FRMD4B: variants seen among roughly 807,000 people sequenced by gnomAD.
The protein encoded by FRMD4B is FERM domain-containing protein 4B.
A neutral mutation model predicts 141.5 loss-of-function variants in FRMD4B; 74 were observed. That is an observed-to-expected ratio of 0.52 (90% confidence interval 0.43 to 0.63). The LOEUF (loss-of-function observed/expected upper bound fraction) is 0.63, where lower values mean the gene tolerates loss of function less well. Ranked by LOEUF, FRMD4B falls within the 30% of genes least tolerant of loss-of-function variation. FRMD4B has a pLI of 0.00. For synonymous variants in FRMD4B, 506 were observed against 467.9 expected (o/e 1.08, Z -1.05); for missense variants, 1,366 against 1,253.4 (o/e 1.09, Z -1.36).
At chr3:69,180,853 G>A (rs750160825) in intron 21 of FRMD4B, 46 bp downstream of exon 21, 24 of 1,355,214 alleles carry the variant, frequency 1.8e-5, no homozygotes, top group East Asian at 1.4e-4. Flanking sequence ...CAGGAAACAC[G>A]ATGTAAATAA....
intron 1 of FRMD4B, among the ~76,000 whole-genome samples, chr3:69,439,638 T>C (rs561393551): frequency 4.6e-5 from 7 of 152,330 alleles, no homozygotes; most frequent in African/African-American, 1.7e-4. Flanking sequence ...CTTTGTGTGG[T>C]AGAATCTGTG....
intron 1 of FRMD4B, among the ~76,000 whole-genome samples, chr3:69,483,974 T>C (rs1429482211): frequency 6.6e-6 from 1 of 152,224 alleles, no homozygotes; most frequent in Non-Finnish European, 1.5e-5. Context: ...ACATCTTAGC[T>C]TGCTTTCCCC....
chr3:69,174,999 G>A (rs967142521), intron 22 of FRMD4B, among the ~76,000 whole-genome samples: 1 of 152,056 alleles, frequency 6.6e-6, no homozygotes, highest in African/African-American at 2.4e-5. Flanking sequence ...TCTATTTTGA[G>A]TATAGCCTTT....
chr3:69,272,937 T>C (rs1337447780), intron 5 of FRMD4B, among the ~76,000 whole-genome samples: 1 of 152,202 alleles, frequency 6.6e-6, no homozygotes, highest in Admixed American at 6.5e-5. Flanking sequence ...TATGAAAATA[T>C]CTTTCTAAGT....
intron 7 of FRMD4B, among the ~76,000 whole-genome samples, chr3:69,245,843 T>TTTTG (rs1224219256): frequency 6.9e-6 from 1 of 144,212 alleles, no homozygotes; most frequent in African/African-American, 2.6e-5. Context: ...TGTTTTTTTT[T>TTTTG]TTTTTTTTTT....
rs1420739532 is a variant in FRMD4B at position 69,287,826 on chromosome 3, C to T, written c.427G>A (p.Glu143Lys). The T allele has an allele frequency of 2.6e-6, 4 of 1,554,570 alleles. No homozygotes were observed. The highest frequency in any genetic ancestry group is 3.5e-6 in the Non-Finnish European group (4 of 1,133,202). ...ILHFAVRFYIESISFLKDKTT... is the reference protein window; with the variant it reads ...ILHFAVRFYIKSISFLKDKTT... ...TTATCCTTTAAAAACGATATGCTCTCAATGTAAAACCTGAAAAACAGCAGA... is the reference window on the plus strand; with the variant it reads ...TTATCCTTTAAAAACGATATGCTCTTAATGTAAAACCTGAAAAACAGCAGA... The change falls in exon 5 of 23, where the codon GAG (glutamate) becomes AAG (lysine). Residue 143 changes from glutamate to lysine, a missense_variant. By Grantham distance (56) the Glu-to-Lys change is moderately conservative. Coordinates refer to ENST00000398540, the MANE Select transcript of FRMD4B (RefSeq NM_015123.3).
chr3:69,173,404 C>A (rs1454133521), intron 22 of FRMD4B, among the ~76,000 whole-genome samples: 1 of 152,040 alleles, frequency 6.6e-6, no homozygotes, highest in Admixed American at 6.5e-5. Flanking sequence ...AAATAATATA[C>A]ACTTTATTTA....
chr3:69,490,350 C>G (rs768964438), intron 1 of FRMD4B, among the ~76,000 whole-genome samples: 1 of 152,180 alleles, frequency 6.6e-6, no homozygotes, highest in Non-Finnish European at 1.5e-5. Context: ...TCTTTAAGAT[C>G]TTTGCATCAG....
At chr3:69,484,066 T>C in intron 1 of FRMD4B, among the ~76,000 whole-genome samples, 1 of 152,252 alleles carries the variant, frequency 6.6e-6, no homozygotes, top group East Asian at 1.9e-4. Context: ...ATTTCTCTTC[T>C]TTTTTATGAA....
At chr3:69,291,593 G>A (rs1176553768) in intron 4 of FRMD4B, among the ~76,000 whole-genome samples, 1 of 152,176 alleles carries the variant, frequency 6.6e-6, no homozygotes, top group Admixed American at 6.5e-5. Flanking sequence ...TCATCATGGT[G>A]TGGGTAGGTG....
At chr3:69,430,644 A>G (rs1244294327) in intron 2 of FRMD4B, among the ~76,000 whole-genome samples, 1 of 152,222 alleles carries the variant, frequency 6.6e-6, no homozygotes, top group African/African-American at 2.4e-5. Flanking sequence ...ATACACCAGG[A>G]GAGAAGGCAG....
At chr3:69,173,142 A>G (rs2107559931) in intron 22 of FRMD4B, among the ~76,000 whole-genome samples, 1 of 152,330 alleles carries the variant, frequency 6.6e-6, no homozygotes, top group South Asian at 2.1e-4. Context: ...GCCTAGTAAT[A>G]GAGTTAGATA....
At chr3:69,285,804 A>G (rs1377767477) in intron 5 of FRMD4B, among the ~76,000 whole-genome samples, 1 of 152,156 alleles carries the variant, frequency 6.6e-6, no homozygotes, top group African/African-American at 2.4e-5. Context: ...AGATGGCACC[A>G]CTGCACTTCA....
At chr3:69,335,717 G>A (rs1022630033) in intron 1 of FRMD4B, among the ~76,000 whole-genome samples, 5 of 149,110 alleles carry the variant, frequency 3.4e-5, no homozygotes, top group African/African-American at 1.2e-4. Flanking sequence ...TATCTTATCT[G>A]CTGGGCAGGA....
At chr3:69,380,909 AT>A (rs746306836) in intron 1 of FRMD4B, among the ~76,000 whole-genome samples, 1 of 152,110 alleles carries the variant, frequency 6.6e-6, no homozygotes, top group Non-Finnish European at 1.5e-5. Context: ...GGTGTTGATT[AT>A]TTTTTTCTGT....
intron 1 of FRMD4B, among the ~76,000 whole-genome samples, chr3:69,490,587 T>C (rs567097879): frequency 5.9e-5 from 9 of 152,306 alleles, no homozygotes; most frequent in South Asian, 2.1e-4. Context: ...TAGACTTCCA[T>C]AGCTTCAGCA....
intron 1 of FRMD4B, chr3:69,471,549 T>C: frequency 8.0e-6 from 2 of 249,850 alleles, no homozygotes; most frequent in African/African-American, 2.2e-5. Context: ...AAAGGTTAAT[T>C]AGGACTCCAA....
At chr3:69,200,498 C>T in intron 11 of FRMD4B, 1 of 994,000 alleles carries the variant, frequency 1.0e-6, no homozygotes, top group African/African-American at 1.7e-5. Context: ...GACGGCAGCT[C>T]CGGTGAGTTC....
In FRMD4B at chr3:69,224,671, C is replaced by A. The variant is rs199633729; in HGVS notation, c.601G>T (p.Asp201Tyr). The A allele has an allele frequency of 7.7e-4, 1,205 of 1,561,854 alleles. No homozygotes were observed. Among genetic ancestry groups the A allele is most frequent in the Admixed American group, 1.9e-3 (105 of 56,120 alleles). Reference protein sequence around the residue: ...DYTSDENARKDLKTLPAFPTK... With the variant: ...DYTSDENARKYLKTLPAFPTK... ...GGAAAGGCTGGTAATGTCTTTAAATCTTTCCTGGCATTTTCATCACTAAAA... is the reference window on the plus strand; with the variant it reads ...GGAAAGGCTGGTAATGTCTTTAAATATTTCCTGGCATTTTCATCACTAAAA... The change falls in exon 8 of 23, where the codon GAT becomes TAT. Residue 201 changes from aspartate (D) to tyrosine (Y), a missense_variant. Physicochemically the swap from Asp to Tyr is radical, Grantham distance 160 (BLOSUM62 -3). Transcript: ENST00000398540.
Sources: allele counts gnomAD v4.1 joint callset (sites outside exome capture counted in the v4.1 genomes callset), GRCh38; gene constraint gnomAD v4.1.1; transcripts MANE v1.5; gene names NCBI Gene and HGNC (gene_info 2026-07-23, HGNC 2026-07-21).